Variants in SPRED2 observed in about 807,000 individuals in gnomAD.
SPRED2 encodes the protein sprouty related EVH1 domain containing 2.
A neutral mutation model predicts 43.0 loss-of-function variants in SPRED2; 47 were observed. The ratio of observed to expected loss-of-function variants is 1.09; its 90% CI spans 0.87 to 1.40. The LOEUF (loss-of-function observed/expected upper bound fraction) is 1.40. Among genes scored for constraint, SPRED2 ranks in the 40% most tolerant of loss-of-function variants. The probability of loss-of-function intolerance (pLI) is 0.00; values close to 1 mark genes in which losing one functional copy is unlikely to be tolerated. For missense variants in SPRED2, 561 were observed against 586.4 expected, an observed-to-expected ratio of 0.96 and a Z score of 0.45; for synonymous variants, 225 against 225.7, an observed-to-expected ratio of 1.00 and a Z score of 0.03.
intron 2 of SPRED2, among the ~76,000 whole-genome samples, chr2:65,336,896 CAGG>C (rs962355643): frequency 5.9e-5 from 9 of 152,178 alleles, no homozygotes; most frequent in Admixed American, 3.9e-4. Context: ...ATCATGAGGT[CAGG>C]AGATCGAGAC....
At chr2:65,419,259 A>G (rs940327503) in intron 1 of SPRED2, among the ~76,000 whole-genome samples, 6 of 152,224 alleles carry the variant, frequency 3.9e-5, no homozygotes, top group Non-Finnish European at 5.9e-5. Flanking sequence ...GCTGGCAGAC[A>G]GAAGATTCAC....
Position 65,311,171 on chromosome 2 carries a change from G to A in SPRED2, c.*2330C>T, listed in dbSNP as rs1444575463. On this transcript the variant is annotated 3_prime_UTR_variant, in exon 6 of 6. Coordinates refer to ENST00000356388, the MANE Select transcript of SPRED2 (RefSeq NM_181784.3). Reference sequence around the variant, plus strand: ...TACCACAGATACAAAAATAAAATCTGAATAATTTCTCTCAAATGATTGACG... The same window carrying A: ...TACCACAGATACAAAAATAAAATCTAAATAATTTCTCTCAAATGATTGACG... 1 of 985,640 alleles carries A rather than the reference G, an allele frequency of 1.0e-6. No homozygotes were observed. Among genetic ancestry groups the A allele is most frequent in the East Asian group, 1.1e-4 (1 of 8,812 alleles). 61.1% of individuals were successfully genotyped at this position (985,640 alleles called of 1,614,324 possible). A position where few individuals can be genotyped will look rare whatever the true frequency, so the allele number is the denominator to read the frequency against.
chr2:65,411,026 C>T (rs1032164756), intron 1 of SPRED2, among the ~76,000 whole-genome samples: 2 of 152,170 alleles, frequency 1.3e-5, no homozygotes, highest in Non-Finnish European at 2.9e-5. Flanking sequence ...TCAGAGGATG[C>T]GCTTGACCTA....
At chr2:65,325,349 A>C (rs1673578830) in intron 4 of SPRED2, among the ~76,000 whole-genome samples, 1 of 152,246 alleles carries the variant, frequency 6.6e-6, no homozygotes, top group Non-Finnish European at 1.5e-5. Flanking sequence ...AATGTTAAAG[A>C]AACTGCTTAA....
intron 1 of SPRED2, among the ~76,000 whole-genome samples, chr2:65,424,040 C>T (rs1449162549): frequency 6.6e-6 from 1 of 152,100 alleles, no homozygotes; most frequent in African/African-American, 2.4e-5. Flanking sequence ...CGGCCCACCT[C>T]GGACTCCCAA....
chr2:65,389,242 C>CAT, intron 1 of SPRED2, among the ~76,000 whole-genome samples: 1 of 107,752 alleles, frequency 9.3e-6, no homozygotes, highest in South Asian at 3.6e-4. Flanking sequence ...ACATGCTCAA[C>CAT]CTTTTTTTTT....
chr2:65,354,551 T>TG (rs753208364), intron 1 of SPRED2, among the ~76,000 whole-genome samples: 15 of 133,022 alleles, frequency 1.1e-4, no homozygotes, highest in Non-Finnish European at 2.5e-4. Context: ...AGTGCTCTCA[T>TG]GAAAAAAAAA....
At chr2:65,326,557 C>T (rs2104176067) in intron 4 of SPRED2, among the ~76,000 whole-genome samples, 1 of 152,266 alleles carries the variant, frequency 6.6e-6, no homozygotes. Context: ...GCTGGTGGGG[C>T]TTTGGGGGAG....
rs1404824841 is a variant in SPRED2 at position 65,357,567 on chromosome 2, A to T, written c.27-12671T>A. Among the ~76,000 whole-genome samples the T allele has an allele frequency of 2.0e-5, 3 of 152,224 alleles. No individual in the cohort carries two copies. In the East Asian group the frequency reaches 5.8e-4, roughly 29 times the overall value. On this transcript the variant is annotated intron_variant, in intron 1 of 5. Coordinates refer to ENST00000356388, the MANE Select transcript of SPRED2 (RefSeq NM_181784.3). ...TGAAAGGACCTCGTGTGGTGGCAGAAGTGCGCATATTCAAGTTAGGTGCTC... is the reference window on the plus strand; with the variant it reads ...TGAAAGGACCTCGTGTGGTGGCAGATGTGCGCATATTCAAGTTAGGTGCTC...
At chr2:65,352,440 C>A (rs79001449) in intron 1 of SPRED2, among the ~76,000 whole-genome samples, 1 of 152,224 alleles carries the variant, frequency 6.6e-6, no homozygotes, top group South Asian at 2.1e-4. Context: ...TGTACTTAAA[C>A]AGGGACTAAC....
chr2:65,318,087 C>T (rs903784679), intron 4 of SPRED2, among the ~76,000 whole-genome samples: 19 of 152,060 alleles, frequency 1.2e-4, no homozygotes, highest in Admixed American at 1.2e-3. Flanking sequence ...AAGTCTTTCC[C>T]GTGCTGTCCT....
At chr2:65,374,257 C>T (rs1454621959) in intron 1 of SPRED2, 1 of 152,156 alleles carries the variant, frequency 6.6e-6, no homozygotes, top group Non-Finnish European at 1.5e-5. Context: ...ACATTAACTA[C>T]AGAACTAGAA....
chr2:65,392,273 G>A (rs1675657763), intron 1 of SPRED2, among the ~76,000 whole-genome samples: 1 of 146,876 alleles, frequency 6.8e-6, no homozygotes, highest in African/African-American at 2.5e-5. Context: ...TCAACCTTCT[G>A]GGCTCAAGCG....
intron 1 of SPRED2, among the ~76,000 whole-genome samples, chr2:65,373,257 T>C (rs569469049): frequency 2.0e-4 from 31 of 152,290 alleles, no homozygotes; most frequent in African/African-American, 7.2e-4. Flanking sequence ...GGGTTTAAAC[T>C]AGTTTAGTAC....
At chr2:65,320,920 T>C (rs1161994570) in intron 4 of SPRED2, among the ~76,000 whole-genome samples, 5 of 152,216 alleles carry the variant, frequency 3.3e-5, no homozygotes, top group Non-Finnish European at 7.3e-5. Context: ...ACATACCTAA[T>C]ACACAAGCAA....
intron 1 of SPRED2, among the ~76,000 whole-genome samples, chr2:65,349,325 A>AAAAG (rs1674442302): frequency 1.3e-5 from 2 of 151,698 alleles, no homozygotes; most frequent in Non-Finnish European, 2.9e-5. Context: ...AAAAAAAAAA[A>AAAAG]AAAAAGAATC....
intron 1 of SPRED2, among the ~76,000 whole-genome samples, chr2:65,407,571 G>A (rs963852533): frequency 6.6e-6 from 1 of 152,146 alleles, no homozygotes; most frequent in Non-Finnish European, 1.5e-5. Flanking sequence ...ATCTCATTCT[G>A]AGTCTTCATG....
intron 1 of SPRED2, among the ~76,000 whole-genome samples, chr2:65,361,719 AT>A (rs1674819805): frequency 6.6e-6 from 1 of 152,106 alleles, no homozygotes. Flanking sequence ...GGGCTGTTTT[AT>A]TTTTCTTTGG....
intron 1 of SPRED2, among the ~76,000 whole-genome samples, chr2:65,409,041 A>T (rs1016870172): frequency 4.6e-5 from 7 of 152,232 alleles, no homozygotes; most frequent in African/African-American, 1.7e-4. Context: ...CCAGACCTTT[A>T]TGCACATAAA....
Sources: allele counts gnomAD v4.1 joint callset (sites outside exome capture counted in the v4.1 genomes callset), GRCh38; gene constraint gnomAD v4.1.1; transcripts MANE v1.5; gene names NCBI Gene and HGNC (gene_info 2026-07-23, HGNC 2026-07-21).